The following ADAMTS14 variants were observed in gnomAD, a reference collection of about 807,000 sequenced individuals.
ADAMTS14 encodes ADAM metallopeptidase with thrombospondin type 1 motif 14.
ADAMTS14 carries 100 observed loss-of-function variants against 128.6 expected under a neutral mutation model. The ratio of observed to expected loss-of-function variants is 0.78; its 90% CI spans 0.66 to 0.92. The LOEUF (loss-of-function observed/expected upper bound fraction) is 0.92, where lower values mean the gene tolerates loss of function less well. Among genes scored for constraint, ADAMTS14 ranks in the 40% least tolerant of loss-of-function variants. The probability of loss-of-function intolerance (pLI) is 0.00; values close to 1 mark genes in which losing one functional copy is unlikely to be tolerated. For synonymous variants in ADAMTS14, 665 were observed against 653.8 expected (o/e 1.02, Z -0.26); for missense variants, 1,562 against 1,658.6 (o/e 0.94, Z 1.01).
intron 2 of ADAMTS14, 111 bp downstream of exon 2, chr10:70,675,106 T>A: frequency 7.6e-7 from 1 of 1,322,802 alleles, no homozygotes; most frequent in Non-Finnish European, 1.0e-6. Context: ...GCAGGGGTGG[T>A]GCTGCCTTCC....
At chr10:70,710,612 G>A (rs898377594) in intron 4 of ADAMTS14, among the ~76,000 whole-genome samples, 22 of 152,240 alleles carry the variant, frequency 1.4e-4, no homozygotes, top group African/African-American at 4.8e-4. Context: ...TTAGTGAATC[G>A]GCCAAGAGCA....
In ADAMTS14 at chr10:70,753,851, G is replaced by A. The variant is rs1589342602; in HGVS notation, c.2781G>A (p.Gly927=). 3 of 1,594,234 alleles carry A rather than the reference G, an allele frequency of 1.9e-6. No individual in the cohort carries two copies. The highest frequency in any genetic ancestry group is 2.6e-6 in the Non-Finnish European group (3 of 1,171,628). Residue 927 remains glycine, a synonymous_variant, in exon 19 of 22, where the codon GGG becomes GGA. Transcript: ENST00000373207. Reference sequence around the variant, plus strand: ...GCAGCCGGAGCTGTGGGAAGCTGGGGGTGCAGACACGGGGGATACAGTGCC... The same window carrying A: ...GCAGCCGGAGCTGTGGGAAGCTGGGAGTGCAGACACGGGGGATACAGTGCC... ...GACSRSCGKL[G]VQTRGIQCLL...
At chr10:70,678,758 G>T (rs1839718394) in intron 2 of ADAMTS14, among the ~76,000 whole-genome samples, 1 of 152,108 alleles carries the variant, frequency 6.6e-6, no homozygotes, top group Admixed American at 6.5e-5. Flanking sequence ...GGCCTCAGTT[G>T]CCTCCTGGGT....
chr10:70,700,403 C>T (rs1007495697), intron 2 of ADAMTS14, among the ~76,000 whole-genome samples: 1 of 152,198 alleles, frequency 6.6e-6, no homozygotes, highest in African/African-American at 2.4e-5. Context: ...GAAACCTGGG[C>T]TGACAGTCCC....
chr10:70,751,383 C>T (rs1253251575), intron 16 of ADAMTS14, 95 bp from the exon 17 acceptor site: 29 of 1,268,866 alleles, frequency 2.3e-5, no homozygotes, highest in South Asian at 9.3e-5. Flanking sequence ...GGTTCTGCTC[C>T]GACCCTAAGG....
In ADAMTS14 at chr10:70,749,916, G is replaced by A. The variant is rs1842301060; in HGVS notation, c.2358G>A (p.Glu786=). Residue 786 remains glutamate, a synonymous_variant, in exon 16 of 22, where the codon GAG becomes GAA. Transcript: ENST00000373207. ...RTFTAMGLEW[E]DAVEDAKESL... ...TCACCGCCATGGGCCTGGAGTGGGA[G>A]GATGCGGTGGAGGATGCCAAGGAAA... 1 of 1,614,040 alleles carries A rather than the reference G, an allele frequency of 6.2e-7. No homozygotes were observed. The highest frequency in any genetic ancestry group is 8.5e-7 in the Non-Finnish European group (1 of 1,180,030).
At chr10:70,684,203 C>T (rs1013405973) in intron 2 of ADAMTS14, among the ~76,000 whole-genome samples, 3 of 152,020 alleles carry the variant, frequency 2.0e-5, no homozygotes, top group East Asian at 3.9e-4. Context: ...TTCACTGTCA[C>T]GGTAACAGTG....
intron 15 of ADAMTS14, among the ~76,000 whole-genome samples, chr10:70,747,930 G>T (rs1363342540): frequency 2.0e-5 from 3 of 152,138 alleles, no homozygotes; most frequent in Non-Finnish European, 4.4e-5. Context: ...AACAGGATAT[G>T]TAGAGGCCCA....
At position 70,702,339 on chromosome 10, in the gene ADAMTS14, G is replaced by A. The variant is rs35682622; in HGVS notation, c.550G>A (p.Asp184Asn). ...GGGCCTCATCCGCACAGACAGCACC[G>A]ACTTCTTCATTGAGCCTCTGGAGCG... ...LAGLIRTDST[D>N]FFIEPLERGQ... Residue 184 changes from aspartate (D) to asparagine (N), a missense_variant, in exon 3 of 22, where the codon GAC becomes AAC. Transcript: ENST00000373207. 4.2e-3 allele frequency: 6,777 copies of A among 1,614,132 alleles called. 238 individuals carry two copies. In the African/African-American group the frequency reaches 0.074, roughly 18 times the overall value.
Position 70,761,083 on chromosome 10 carries a change from G to A in ADAMTS14, c.*230G>A, listed in dbSNP as rs774153986. The A allele has an allele frequency of 3.4e-5, 20 of 585,008 alleles. No homozygotes were observed. Among genetic ancestry groups the A allele is most frequent in the Non-Finnish European group, 5.2e-5 (19 of 364,474 alleles). The allele number at this position is 585,008 out of a possible 1,614,324, so 36.2% of individuals were successfully genotyped here. ...GATACCTCAGCAAGCTGCCCCCGGC[G>A]GGACTGACCCTCTCAGGGCCCCTGT... On this transcript the variant is annotated 3_prime_UTR_variant, in exon 22 of 22. Transcript: ENST00000373207.
At chr10:70,723,967 AC>A (rs1300857269) in intron 4 of ADAMTS14, among the ~76,000 whole-genome samples, 1 of 152,216 alleles carries the variant, frequency 6.6e-6, no homozygotes, top group Non-Finnish European at 1.5e-5. Flanking sequence ...TGGGCAAGTT[AC>A]TTACCCTCTC....
At chr10:70,675,237 T>G (rs1300763869) in intron 2 of ADAMTS14, among the ~76,000 whole-genome samples, 1 of 152,136 alleles carries the variant, frequency 6.6e-6, no homozygotes, top group East Asian at 1.9e-4. Flanking sequence ...CACAAGCTGT[T>G]TGGCTGGTGT....
Position 70,738,936 on chromosome 10 carries a change from C to A in ADAMTS14, c.1694C>A (p.Ser565Ter). 1 of 1,613,906 alleles carries A rather than the reference C, an allele frequency of 6.2e-7. No homozygotes were observed. The highest frequency in any genetic ancestry group is 8.5e-7 in the Non-Finnish European group (1 of 1,179,958). ...WSSWTKFGSCSRSCGGGVRSR... is the reference protein window; with the variant it reads ...WSSWTKFGSC ...TCCTGGACCAAGTTTGGGTCATGTT[C>A]GCGGTCATGTGGGGGCGGGGTGCGA... The change falls in exon 11 of 22, where the codon TCG becomes TAG. Residue 565 changes from serine to a stop codon, truncating the protein, a stop_gained. Transcript: ENST00000373207. LOFTEE classifies it high-confidence loss of function.
At chr10:70,741,774 A>G (rs1842008357) in intron 12 of ADAMTS14, among the ~76,000 whole-genome samples, 4 of 152,230 alleles carry the variant, frequency 2.6e-5, no homozygotes, top group Admixed American at 2.6e-4. Context: ...TTTGGGGACC[A>G]TAGTGGTGCC....
At chr10:70,756,824 G>T (rs1241907984) in intron 19 of ADAMTS14, among the ~76,000 whole-genome samples, 1 of 152,164 alleles carries the variant, frequency 6.6e-6, no homozygotes, top group Admixed American at 6.5e-5. Flanking sequence ...GGTGCTAGGT[G>T]CCCTGAGTGC....
At chr10:70,694,527 C>T (rs896037516) in intron 2 of ADAMTS14, among the ~76,000 whole-genome samples, 2 of 152,150 alleles carry the variant, frequency 1.3e-5, no homozygotes, top group East Asian at 1.9e-4. Context: ...TATTCACCCC[C>T]GATCCAACAT....
intron 4 of ADAMTS14, among the ~76,000 whole-genome samples, chr10:70,727,086 AGTC>A (rs2132661307): frequency 6.6e-6 from 1 of 152,338 alleles, no homozygotes; most frequent in Non-Finnish European, 1.5e-5. Flanking sequence ...GCTGCTCTGA[AGTC>A]TGCCCATTCA....
At chr10:70,703,929 A>G (rs1190962847) in intron 3 of ADAMTS14, among the ~76,000 whole-genome samples, 1 of 152,228 alleles carries the variant, frequency 6.6e-6, no homozygotes, top group Non-Finnish European at 1.5e-5. Context: ...ACTTTCTTGG[A>G]AACCTGTGAC....
In ADAMTS14 at chr10:70,757,950, C is replaced by T. The variant is rs376119961; in HGVS notation, c.2938-12C>T. ...CCGGCCGCTATGCCTGGCACTGACC[C>T]ACCCACGGCAGTGCTCTGCCACCTG... On this transcript the variant is annotated splice_polypyrimidine_tract_variant and intron_variant, in intron 19 of 21. Coordinates refer to ENST00000373207, the MANE Select transcript of ADAMTS14 (RefSeq NM_080722.4). The T allele has an allele frequency of 6.3e-7, 1 of 1,597,456 alleles. No individual in the cohort carries two copies. The highest frequency in any genetic ancestry group is 1.3e-5 in the African/African-American group (1 of 74,748).
Sources: gnomAD v4.1 joint callset for allele counts (sites outside exome capture counted in the v4.1 genomes callset) on GRCh38, gnomAD v4.1.1 for gene constraint, MANE v1.5 for transcripts, NCBI Gene and HGNC (gene_info 2026-07-23, HGNC 2026-07-21) for gene names.